The following NKAIN3 variants were observed in gnomAD, a reference collection of about 807,000 sequenced individuals.
NKAIN3 encodes sodium/potassium-transporting ATPase subunit beta-1-interacting protein 3.
Under a neutral mutation model 30.2 loss-of-function variants are expected in NKAIN3, and 25 were observed. The observed-to-expected ratio is 0.83, with a 90% CI of 0.60 to 1.16. NKAIN3 has a LOEUF of 1.16. NKAIN3 is among the 50% of genes most tolerant of loss of function. The pLI is 0.00. For missense variants in NKAIN3, 225 were observed against 254.1 expected, an observed-to-expected ratio of 0.89 and a Z score of 0.78; for synonymous variants, 91 against 89.6, an observed-to-expected ratio of 1.02 and a Z score of -0.09.
At chr8:62,492,392 A>G (rs891655374) in intron 1 of NKAIN3, among the ~76,000 whole-genome samples, 1 of 152,152 alleles carries the variant, frequency 6.6e-6, no homozygotes, top group Admixed American at 6.5e-5. Context: ...TACTGAACCA[A>G]CATTTCTGGG....
At chr8:62,988,606 T>C (rs1357893002), downstream of NKAIN3, among the ~76,000 whole-genome samples, 1 of 152,184 alleles carries the variant, frequency 6.6e-6, no homozygotes, top group African/African-American at 2.4e-5. Context: ...GAGCTGCTGG[T>C]AGGCAGGGCA....
At chr8:62,348,790 C>T (rs1389476772) in intron 1 of NKAIN3, among the ~76,000 whole-genome samples, 2 of 152,200 alleles carry the variant, frequency 1.3e-5, no homozygotes, top group Non-Finnish European at 2.9e-5. Flanking sequence ...AGGAATCTCA[C>T]GTGATGACTA....
At chr8:62,733,476 G>T (rs1482659389) in intron 3 of NKAIN3, among the ~76,000 whole-genome samples, 5 of 152,070 alleles carry the variant, frequency 3.3e-5, no homozygotes, top group Non-Finnish European at 5.9e-5. Context: ...GAGAGTAATA[G>T]GTTCTTGCTT....
chr8:62,564,415 C>A (rs1195243988), intron 1 of NKAIN3, among the ~76,000 whole-genome samples: 2 of 152,130 alleles, frequency 1.3e-5, no homozygotes, highest in Admixed American at 6.6e-5. Context: ...CCCGACCAGG[C>A]ATTTTTAAAG....
intron 1 of NKAIN3, among the ~76,000 whole-genome samples, chr8:62,307,529 A>G (rs954510671): frequency 1.3e-5 from 2 of 150,580 alleles, no homozygotes; most frequent in East Asian, 1.9e-4. Context: ...ATTTTGTAGG[A>G]AGAAAGAGAG....
At chr8:62,817,586 C>T (rs149813287) in intron 4 of NKAIN3, among the ~76,000 whole-genome samples, 57 of 152,152 alleles carry the variant, frequency 3.7e-4, no homozygotes, top group Middle Eastern at 3.4e-3. Context: ...AACCAATCAC[C>T]GAGCCAACAG....
At chr8:62,554,628 T>G (rs1024923856) in intron 1 of NKAIN3, among the ~76,000 whole-genome samples, 10 of 152,174 alleles carry the variant, frequency 6.6e-5, no homozygotes, top group Non-Finnish European at 1.3e-4. Context: ...TAAATGGTAC[T>G]AGGCTATTGG....
At chr8:62,531,307 A>G (rs940462273) in intron 1 of NKAIN3, among the ~76,000 whole-genome samples, 2 of 151,942 alleles carry the variant, frequency 1.3e-5, no homozygotes, top group African/African-American at 4.8e-5. Flanking sequence ...TTTCCTTTCT[A>G]TCTGTTGTGA....
intron 1 of NKAIN3, among the ~76,000 whole-genome samples, chr8:62,489,368 A>G (rs530881726): frequency 5.9e-5 from 9 of 152,226 alleles, no homozygotes; most frequent in East Asian, 1.9e-4. Context: ...ATGAAAATAT[A>G]TATTCTCAAT....
At chr8:62,627,092 C>A (rs932881743) in intron 3 of NKAIN3, among the ~76,000 whole-genome samples, 3 of 152,116 alleles carry the variant, frequency 2.0e-5, no homozygotes, top group Non-Finnish European at 2.9e-5. Flanking sequence ...CTCGGGGCAA[C>A]TGGGAGATAT....
intron 3 of NKAIN3, among the ~76,000 whole-genome samples, chr8:62,670,879 G>A (rs1586072418): frequency 5.6e-5 from 8 of 142,086 alleles, no homozygotes; most frequent in Admixed American, 1.4e-4. Flanking sequence ...ACACATACAA[G>A]CACACACACA....
intron 2 of NKAIN3, among the ~76,000 whole-genome samples, chr8:62,580,422 G>A (rs895481458): frequency 1.9e-4 from 29 of 152,072 alleles, no homozygotes; most frequent in Non-Finnish European, 2.8e-4. Context: ...GCATATATAC[G>A]TATTGTAAGT....
chr8:62,721,714 A>G (rs1815098149), intron 3 of NKAIN3, among the ~76,000 whole-genome samples: 1 of 152,204 alleles, frequency 6.6e-6, no homozygotes, highest in Admixed American at 6.5e-5. Flanking sequence ...AGATTTTTCA[A>G]TTTATAATGA....
At chr8:62,676,698 G>A (rs1813488294) in intron 3 of NKAIN3, among the ~76,000 whole-genome samples, 2 of 151,046 alleles carry the variant, frequency 1.3e-5, no homozygotes, top group Non-Finnish European at 2.9e-5. Context: ...CTGTGGTGTA[G>A]TATATTAATA....
At chr8:62,812,315 G>T (rs970342344) in intron 4 of NKAIN3, among the ~76,000 whole-genome samples, 1 of 151,596 alleles carries the variant, frequency 6.6e-6, no homozygotes, top group Non-Finnish European at 1.5e-5. Context: ...TATTTTAGGG[G>T]CTGTGCATTT....
At chr8:62,932,153 C>G (rs767201832) in intron 5 of NKAIN3, among the ~76,000 whole-genome samples, 6 of 152,114 alleles carry the variant, frequency 3.9e-5, no homozygotes, top group Non-Finnish European at 7.4e-5. Context: ...AAAATATTGT[C>G]CTAATAAACA....
intron 1 of NKAIN3, among the ~76,000 whole-genome samples, chr8:62,548,386 C>A (rs1809084557): frequency 6.6e-6 from 1 of 152,236 alleles, no homozygotes; most frequent in East Asian, 1.9e-4. Context: ...AGATTCCAAG[C>A]TATTACTTCT....
intron 4 of NKAIN3, among the ~76,000 whole-genome samples, chr8:62,820,702 G>T (rs982180353): frequency 6.6e-5 from 10 of 152,092 alleles, no homozygotes; most frequent in Non-Finnish European, 1.5e-4. Context: ...GCAGAGACGA[G>T]GAGAACCATA....
At chr8:62,901,705 A>G (rs1288818041) in intron 4 of NKAIN3, among the ~76,000 whole-genome samples, 2 of 152,194 alleles carry the variant, frequency 1.3e-5, no homozygotes, top group Non-Finnish European at 2.9e-5. Flanking sequence ...AATTACAGAA[A>G]AGCAGGATTC....
Sources: gnomAD v4.1 joint callset for allele counts (sites outside exome capture counted in the v4.1 genomes callset) on GRCh38, gnomAD v4.1.1 for gene constraint, MANE v1.5 for transcripts, NCBI Gene and HGNC (gene_info 2026-07-23, HGNC 2026-07-21) for gene names.